RFTN1: variants seen among roughly 807,000 people sequenced by gnomAD.
The protein encoded by RFTN1 is raftlin, lipid raft linker 1, also known as raftlin.
In RFTN1, 26 loss-of-function variants were observed where a neutral mutation model predicts 46.5. The ratio of observed to expected loss-of-function variants is 0.56; its 90% CI spans 0.41 to 0.78. The LOEUF (loss-of-function observed/expected upper bound fraction) is 0.78, where lower values mean the gene tolerates loss of function less well. RFTN1 is among the 30% of genes least tolerant of loss of function. The pLI, the probability that RFTN1 is intolerant of heterozygous loss-of-function variation, is 0.00. For missense variants in RFTN1, 693 were observed against 718.7 expected, an observed-to-expected ratio of 0.96 and a Z score of 0.41; for synonymous variants, 261 against 284.2, an observed-to-expected ratio of 0.92 and a Z score of 0.82.
At chr3:16,403,395 C>A (rs1306442561) in intron 4 of RFTN1, among the ~76,000 whole-genome samples, 3 of 150,702 alleles carry the variant, frequency 2.0e-5, no homozygotes, top group Non-Finnish European at 4.4e-5. Flanking sequence ...TCTTCACAGG[C>A]ATGAGATGAG....
At chr3:16,369,139 ACATT>A (rs2073379730) in intron 6 of RFTN1, among the ~76,000 whole-genome samples, 1 of 152,270 alleles carries the variant, frequency 6.6e-6, no homozygotes, top group Non-Finnish European at 1.5e-5. Context: ...GATTTAAAGT[ACATT>A]CATTTAGAAT....
intron 6 of RFTN1, among the ~76,000 whole-genome samples, chr3:16,368,756 A>G (rs2073359577): frequency 2.0e-5 from 3 of 152,232 alleles, no homozygotes; most frequent in African/African-American, 7.2e-5. Flanking sequence ...CACTAGCCAC[A>G]TATAGTTATT....
rs2071909460 is a variant in RFTN1 at position 16,348,912 on chromosome 3, A to G, written c.1146+9020T>C. Among the ~76,000 whole-genome samples the G allele has an allele frequency of 6.6e-6, 1 of 152,356 alleles. No homozygotes were observed. Among genetic ancestry groups the G allele is most frequent in the South Asian group, 2.1e-4 (1 of 4,830 alleles). On this transcript the variant is annotated intron_variant, in intron 7 of 9. Coordinates refer to ENST00000334133, the MANE Select transcript of RFTN1 (RefSeq NM_015150.2). The surrounding 1 kb of genome is among the most constrained non-coding windows in gnomAD (Gnocchi z 6.3). ...CACACACATTTCAGAACACCCGAGC[A>G]AGTGGCTGCTGCCAAGGAGGAGGCA...
intron 2 of RFTN1, among the ~76,000 whole-genome samples, chr3:16,493,484 C>T (rs1049211425): frequency 1.3e-5 from 2 of 152,160 alleles, no homozygotes; most frequent in South Asian, 2.1e-4. Flanking sequence ...CCACCCGCCT[C>T]GGCCTCCCAA....
intron 4 of RFTN1, among the ~76,000 whole-genome samples, chr3:16,408,110 G>A (rs900223362): frequency 6.6e-6 from 1 of 152,006 alleles, no homozygotes; most frequent in Admixed American, 6.5e-5. Context: ...CCCTTCTCCC[G>A]ACCCTCACTC....
intron 1 of RFTN1, among the ~76,000 whole-genome samples, chr3:16,502,278 T>C (rs2076723157): frequency 6.6e-6 from 1 of 151,900 alleles, no homozygotes; most frequent in Non-Finnish European, 1.5e-5. Flanking sequence ...GGAACATTGC[T>C]TGAGCCTAGG....
intron 2 of RFTN1, among the ~76,000 whole-genome samples, chr3:16,487,964 A>T (rs752949340): frequency 1.9e-4 from 29 of 152,328 alleles, no homozygotes; most frequent in Middle Eastern, 6.8e-3. Context: ...TTGGCAGCTT[A>T]TGTGCTTCAC....
intron 9 of RFTN1, among the ~76,000 whole-genome samples, chr3:16,319,297 AGTG>A (rs1442749042): frequency 1.3e-5 from 2 of 152,216 alleles, no homozygotes; most frequent in East Asian, 1.9e-4. Context: ...TTGCCAAAAA[AGTG>A]GTGATTGTTT....
chr3:16,477,019 C>G (rs941139366), intron 2 of RFTN1, among the ~76,000 whole-genome samples: 2 of 152,174 alleles, frequency 1.3e-5, no homozygotes, highest in Non-Finnish European at 2.9e-5. Flanking sequence ...ATTGATCCTA[C>G]TTTTCATCCA....
chr3:16,463,365 C>T (rs1412651173), intron 2 of RFTN1, among the ~76,000 whole-genome samples: 1 of 152,130 alleles, frequency 6.6e-6, no homozygotes, highest in Non-Finnish European at 1.5e-5. Context: ...TCTATATGTT[C>T]CATTTTTCCC....
rs1484829151 is a variant in RFTN1 at position 16,418,666 on chromosome 3, C to T, written c.333-9183G>A. On this transcript the variant is annotated intron_variant, in intron 3 of 9. Coordinates refer to ENST00000334133, the MANE Select transcript of RFTN1 (RefSeq NM_015150.2). The surrounding 1 kb of genome is among the most constrained non-coding windows in gnomAD (Gnocchi z 5.0). ...CAACACCAAGCTCAAATAGAATAATCAGAACAGCTTATTTTTTTTTTTTTA... is the reference window on the plus strand; with the variant it reads ...CAACACCAAGCTCAAATAGAATAATTAGAACAGCTTATTTTTTTTTTTTTA... 2.1e-5 allele frequency among the ~76,000 whole-genome samples: 3 copies of T among 144,458 alleles called. No homozygotes were observed. The highest frequency in any genetic ancestry group is 4.6e-5 in the Non-Finnish European group (3 of 65,862). The allele number at this position is 144,458 out of a possible 152,430, so 94.8% of individuals were successfully genotyped here. A position where few individuals can be genotyped will look rare whatever the true frequency, so the allele number is the denominator to read the frequency against.
chr3:16,391,819 G>A (rs1192496819), intron 4 of RFTN1, among the ~76,000 whole-genome samples: 1 of 145,188 alleles, frequency 6.9e-6, no homozygotes, highest in East Asian at 2.2e-4. Context: ...GAATATCAGA[G>A]CTATAGGCAA....
chr3:16,474,497 C>A lies in RFTN1; in HGVS notation c.145+19228G>T, dbSNP rs540149988. ...GCTGACCATGAGAAAGATACCAGTA[C>A]ACCCCCAGGAAGCCAGCCGATTCTC... On this transcript the variant is annotated intron_variant, in intron 2 of 9. Coordinates refer to ENST00000334133, the MANE Select transcript of RFTN1 (RefSeq NM_015150.2). The surrounding 1 kb of genome is among the most constrained non-coding windows in gnomAD (Gnocchi z 5.5). Among the ~76,000 whole-genome samples, 1 of 152,206 alleles carries A rather than the reference C, an allele frequency of 6.6e-6. No individual in the cohort carries two copies. The highest frequency in any genetic ancestry group is 2.4e-5 in the African/African-American group (1 of 41,454).
In RFTN1 at chr3:16,503,820, T is replaced by G. The variant is rs547753208; in HGVS notation, c.-9+9622A>C. Among the ~76,000 whole-genome samples the G allele has an allele frequency of 5.6e-4, 86 of 152,338 alleles. No individual in the cohort carries two copies. The South Asian group carries it at 0.017, about 30-fold the overall frequency. On this transcript the variant is annotated intron_variant, in intron 1 of 9. Coordinates refer to ENST00000334133, the MANE Select transcript of RFTN1 (RefSeq NM_015150.2). ...TCTTGCCTCACTTTTCCAAAATTATTTTAATTATAAACCACTTCAAACATA... is the reference window on the plus strand; with the variant it reads ...TCTTGCCTCACTTTTCCAAAATTATGTTAATTATAAACCACTTCAAACATA...
chr3:16,397,659 C>T (rs145012988), intron 4 of RFTN1, among the ~76,000 whole-genome samples: 536 of 152,236 alleles, frequency 3.5e-3, no homozygotes, highest in African/African-American at 0.012. Context: ...CCCCCGCCCA[C>T]CCCACTGACT....
chr3:16,316,768 T>A lies in RFTN1; in HGVS notation c.*60A>T. 1 of 1,600,116 alleles carries A rather than the reference T, an allele frequency of 6.2e-7. No individual in the cohort carries two copies. Among genetic ancestry groups the A allele is most frequent in the African/African-American group, 1.3e-5 (1 of 74,654 alleles). The stretch of plus-strand genomic sequence containing the variant: ...CAGGGAAACCAGCCCCCAAACCAGC[T>A]GTTGGTAAGATGCCTTGGGTTTGGC... On this transcript the variant is annotated 3_prime_UTR_variant, in exon 10 of 10. Transcript: ENST00000334133. This position sits in a 1 kb window ranked among gnomAD's most constrained non-coding sequence, Gnocchi z 4.5.
rs1414016083 is a variant in RFTN1, at chr3:16,445,507, A to T, written c.146-11470T>A. Among the ~76,000 whole-genome samples the T allele has an allele frequency of 5.1e-3, 778 of 151,166 alleles. 10 individuals are homozygous for T. The highest frequency in any genetic ancestry group is 0.018 in the African/African-American group (729 of 41,110). On this transcript the variant is annotated intron_variant, in intron 2 of 9. Transcript: ENST00000334133. ...CTCACACACACACACACACACACAC[A>T]CACACACACACACAGCTCTCTACCA...
Position 16,512,401 on chromosome 3 carries a change from A to G in RFTN1, c.-9+1041T>C, listed in dbSNP as rs185073381. ...GCTGGAAACTGGGGTGACCACTGACAGAGATTGAGCCAGACTTTTTTTTTA... is the reference window on the plus strand; with the variant it reads ...GCTGGAAACTGGGGTGACCACTGACGGAGATTGAGCCAGACTTTTTTTTTA... On this transcript the variant is annotated intron_variant, in intron 1 of 9. Transcript: ENST00000334133. This position sits in a 1 kb window ranked among gnomAD's most constrained non-coding sequence, Gnocchi z 4.3. Among the ~76,000 whole-genome samples the G allele has an allele frequency of 1.5e-3, 215 of 145,842 alleles. 1 individual carries two copies. The highest frequency in any genetic ancestry group is 2.3e-3 in the Non-Finnish European group (153 of 67,066).
chr3:16,359,586 C>T (rs2125336607), intron 6 of RFTN1, among the ~76,000 whole-genome samples: 1 of 152,210 alleles, frequency 6.6e-6, no homozygotes, highest in East Asian at 1.9e-4. Flanking sequence ...AGGAAGGTGG[C>T]TGTCTGCAAG....
Sources: gnomAD v4.1 joint callset for allele counts (sites outside exome capture counted in the v4.1 genomes callset) on GRCh38, gnomAD v4.1.1 for gene constraint, Gnocchi (gnomAD v3.1) non-coding constraint, MANE v1.5 for transcripts, NCBI Gene and HGNC (gene_info 2026-07-23, HGNC 2026-07-21) for gene names.